The following DLG1 variants were observed in gnomAD, a reference collection of about 807,000 sequenced individuals.
The protein encoded by DLG1 is disks large homolog 1.
In DLG1, 42 loss-of-function variants were observed where a neutral mutation model predicts 123.4. The observed-to-expected ratio is 0.34, with a 90% CI of 0.27 to 0.44. The LOEUF is 0.44. Ranked by LOEUF, DLG1 falls within the 20% of genes least tolerant of loss-of-function variation. DLG1 has a pLI of 1.00. For missense variants in DLG1, 942 were observed against 1,082.6 expected, an observed-to-expected ratio of 0.87 and a Z score of 1.82; for synonymous variants, 317 against 356.2, an observed-to-expected ratio of 0.89 and a Z score of 1.24.
chr3:197,143,308 AGTG>A (rs10585330), intron 6 of DLG1, among the ~76,000 whole-genome samples: 112,794 of 151,530 alleles, frequency 0.74, 42,078 homozygotes, highest in East Asian at 0.82. Flanking sequence ...GCTGGAGTGC[AGTG>A]GTGGCGTGAT....
At position 197,169,448 on chromosome 3, in the gene DLG1, A is replaced by G. The variant is rs140292350; in HGVS notation, c.484-19652T>C. 2.5e-3 allele frequency among the ~76,000 whole-genome samples: 378 copies of G among 152,316 alleles called. 2 individuals are homozygous for G. Among genetic ancestry groups the G allele is most frequent in the African/African-American group, 8.3e-3 (343 of 41,558 alleles). On this transcript the variant is annotated intron_variant, in intron 5 of 24. Coordinates refer to ENST00000667157, the MANE Select transcript of DLG1 (RefSeq NM_001366207.1). The stretch of plus-strand genomic sequence containing the variant: ...GACACATTTTGAATGTAGAGTTGGT[A>G]TATCTTGGTGACTGATGAGAAGTCT...
At chr3:197,176,669 T>C (rs1419262593) in intron 5 of DLG1, among the ~76,000 whole-genome samples, 4 of 152,108 alleles carry the variant, frequency 2.6e-5, no homozygotes, top group East Asian at 1.9e-4. Flanking sequence ...TGATATTCCA[T>C]TGTCTGAATG....
intron 11 of DLG1, among the ~76,000 whole-genome samples, chr3:197,122,963 T>C (rs529203847): frequency 1.3e-5 from 2 of 152,214 alleles, no homozygotes; most frequent in African/African-American, 4.8e-5. Context: ...ATTAAGAGAC[T>C]GCAGGTGGTA....
At chr3:197,175,372 C>T (rs2150069731) in intron 5 of DLG1, among the ~76,000 whole-genome samples, 1 of 152,184 alleles carries the variant, frequency 6.6e-6, no homozygotes, top group South Asian at 2.1e-4. Context: ...GAGACTGATA[C>T]TAAGTAAAAT....
In DLG1 at chr3:197,081,956, G is replaced by T. The variant is rs967411783; in HGVS notation, c.1839-839C>A. On this transcript the variant is annotated intron_variant, in intron 16 of 24. Coordinates refer to ENST00000667157, the MANE Select transcript of DLG1 (RefSeq NM_001366207.1). ...TCTCCAATTTCGACATAGCAATTAT[G>T]TTAGCATATAACAGAAAAGCCTACC... Among the ~76,000 whole-genome samples the T allele has an allele frequency of 1.3e-4, 20 of 152,282 alleles. 1 individual carries two copies. Among genetic ancestry groups the T allele is most frequent in the Admixed American group, 1.3e-3 (20 of 15,302 alleles).
intron 8 of DLG1, among the ~76,000 whole-genome samples, chr3:197,139,210 C>G (rs1786674721): frequency 6.6e-6 from 1 of 152,006 alleles, no homozygotes; most frequent in African/African-American, 2.4e-5. Flanking sequence ...ATGGTCATCT[C>G]AAATTGGGTA....
chr3:197,290,643 T>A (rs1331667402), intron 3 of DLG1, among the ~76,000 whole-genome samples: 1 of 152,078 alleles, frequency 6.6e-6, no homozygotes. Flanking sequence ...AACTGCGTTT[T>A]TCAAAATCAT....
chr3:197,164,133 T>C (rs1356376756), intron 5 of DLG1, among the ~76,000 whole-genome samples: 1 of 151,966 alleles, frequency 6.6e-6, no homozygotes, highest in Admixed American at 6.5e-5. Context: ...GGTTCACACC[T>C]GTAATCTCAG....
chr3:197,091,178 A>C, intron 14 of DLG1, 152 bp from the exon 15 acceptor site: 1 of 506,774 alleles, frequency 2.0e-6, no homozygotes, highest in Admixed American at 3.4e-5. Flanking sequence ...CCAACACATA[A>C]ATTTCAAAAA....
At chr3:197,242,864 G>A (rs1749659074) in intron 4 of DLG1, among the ~76,000 whole-genome samples, 1 of 152,148 alleles carries the variant, frequency 6.6e-6, no homozygotes, top group Non-Finnish European at 1.5e-5. Flanking sequence ...AGCACTTTGG[G>A]AGGTCACAGC....
Position 197,142,777 on chromosome 3 carries a change from GA to G in DLG1, c.538-10del. ...GCATCTGTGCCATTAACCTACAGGGGAAAAGAAAAGCAGCTCAGAAACTTCA... is the reference window on the plus strand; with the variant it reads ...GCATCTGTGCCATTAACCTACAGGGGAAAGAAAAGCAGCTCAGAAACTTCA... On this transcript the variant is annotated splice_polypyrimidine_tract_variant and intron_variant, in intron 6 of 24. Transcript: ENST00000667157. 6.3e-7 allele frequency: 1 copy of G among 1,598,438 alleles called. No individual in the cohort carries two copies. The highest frequency in any genetic ancestry group is 1.2e-5 in the South Asian group (1 of 86,008).
intron 5 of DLG1, among the ~76,000 whole-genome samples, chr3:197,165,977 C>T (rs990020888): frequency 6.6e-6 from 1 of 152,150 alleles, no homozygotes; most frequent in Non-Finnish European, 1.5e-5. Context: ...GTGCATGTTG[C>T]TGAAGCTCAC....
At chr3:197,256,438 T>C (rs1003549510) in intron 4 of DLG1, among the ~76,000 whole-genome samples, 3 of 152,276 alleles carry the variant, frequency 2.0e-5, no homozygotes, top group African/African-American at 7.2e-5. Flanking sequence ...TCACACACAG[T>C]AGGCACTCAG....
At chr3:197,149,630 A>G (rs537101281) in intron 6 of DLG1, 113 bp downstream of exon 6, 1 of 762,600 alleles carries the variant, frequency 1.3e-6, no homozygotes, top group Non-Finnish European at 2.4e-6. Context: ...TAGTGATAGA[A>G]CATCTTAAGA....
At chr3:197,128,367 T>C (rs1780851050) in intron 11 of DLG1, among the ~76,000 whole-genome samples, 1 of 152,208 alleles carries the variant, frequency 6.6e-6, no homozygotes, top group East Asian at 1.9e-4. Flanking sequence ...TATCATGAGG[T>C]TGCAGCAATT....
chr3:197,069,436 A>G, intron 18 of DLG1, 176 bp from the exon 19 acceptor site: 1 of 430,220 alleles, frequency 2.3e-6, no homozygotes, highest in Non-Finnish European at 4.1e-6. Context: ...TAGCAAAGGA[A>G]AACTCCTGTA....
At chr3:197,265,032 A>ATGAT (rs1305129388) in intron 4 of DLG1, among the ~76,000 whole-genome samples, 1 of 152,206 alleles carries the variant, frequency 6.6e-6, no homozygotes, top group African/African-American at 2.4e-5. Flanking sequence ...TACTCAGGGA[A>ATGAT]TGATTATTCA....
At chr3:197,232,719 C>G (rs1350615556) in intron 4 of DLG1, among the ~76,000 whole-genome samples, 2 of 150,974 alleles carry the variant, frequency 1.3e-5, no homozygotes, top group African/African-American at 4.9e-5. Context: ...ATGCAACGCA[C>G]AGTTGATCCT....
intron 4 of DLG1, among the ~76,000 whole-genome samples, chr3:197,195,019 TTTTTTA>T (rs1721670855): frequency 6.6e-6 from 1 of 151,454 alleles, no homozygotes; most frequent in African/African-American, 2.4e-5. Flanking sequence ...GACAATCACA[TTTTTTA>T]TTTTAACTAT....
Sources: allele counts gnomAD v4.1 joint callset (sites outside exome capture counted in the v4.1 genomes callset), GRCh38; gene constraint gnomAD v4.1.1; transcripts MANE v1.5; gene names NCBI Gene and HGNC (gene_info 2026-07-23, HGNC 2026-07-21).